The following OR10A2 variants were observed in gnomAD, a reference collection of about 807,000 sequenced individuals.
OR10A2 encodes olfactory receptor family 10 subfamily A member 2, also known as olfactory receptor 10A2.
In OR10A2, 15 loss-of-function variants were observed where a neutral mutation model predicts 13.7. That is an observed-to-expected ratio of 1.10 (90% CI 0.73 to 1.69). The LOEUF is 1.69. Ranked by LOEUF, OR10A2 falls within the 40% of genes most tolerant of loss-of-function variation. The pLI is 0.00. For synonymous variants in OR10A2, 145 were observed against 144.7 expected (o/e 1.00, Z -0.02); for missense variants, 343 against 361.1 (o/e 0.95, Z 0.41).
At chr11:6,863,610 A>G (rs1564919524) in intron 1 of OR10A2, among the ~76,000 whole-genome samples, 1 of 152,134 alleles carries the variant, frequency 6.6e-6, no homozygotes. Flanking sequence ...TCTGTCCTCT[A>G]AAGTTTTCTG....
intron 1 of OR10A2, among the ~76,000 whole-genome samples, chr11:6,865,946 A>C (rs1177103675): frequency 2.0e-5 from 3 of 152,236 alleles, no homozygotes; most frequent in African/African-American, 7.2e-5. Context: ...AGTCACTGGC[A>C]ATCACTAATC....
chr11:6,867,013 T>C (rs1848384124), intron 1 of OR10A2, among the ~76,000 whole-genome samples: 1 of 152,066 alleles, frequency 6.6e-6, no homozygotes, highest in African/African-American at 2.4e-5. Context: ...CCTCTTATAA[T>C]TGTTATGTTT....
At chr11:6,866,144 G>T (rs1247578746) in intron 1 of OR10A2, among the ~76,000 whole-genome samples, 1 of 152,112 alleles carries the variant, frequency 6.6e-6, no homozygotes, top group East Asian at 1.9e-4. Flanking sequence ...TTCATCATCT[G>T]GGTTTTTAAC....
intron 1 of OR10A2, among the ~76,000 whole-genome samples, chr11:6,866,300 A>C (rs1011952168): frequency 2.6e-5 from 4 of 152,218 alleles, no homozygotes; most frequent in Non-Finnish European, 5.9e-5. Flanking sequence ...GAACTGTCAA[A>C]CTGTTTTCTG....
At position 6,869,832 on chromosome 11, in the gene OR10A2, G is replaced by A. The variant is rs767214891; in HGVS notation, c.78G>A (p.Leu26=). Residue 26 remains leucine (L), a synonymous_variant, in exon 2 of 2, where the codon CTG becomes CTA. Coordinates refer to ENST00000641461, the MANE Select transcript of OR10A2 (RefSeq NM_001004460.2). ...LTFLTIYLVT[L]MGNCLIILVT... is the part of the protein sequence containing the mutation. Reference sequence around the variant, plus strand: ...TTCTAACCATCTACCTGGTCACCCTGATGGGAAACTGCCTCATCATTCTGG... The same window carrying A: ...TTCTAACCATCTACCTGGTCACCCTAATGGGAAACTGCCTCATCATTCTGG... 1.2e-6 allele frequency: 2 copies of A among 1,614,152 alleles called. No individual in the cohort carries two copies. Among genetic ancestry groups the A allele is most frequent in the South Asian group, 1.1e-5 (1 of 91,086 alleles).
chr11:6,870,635 A>G lies in OR10A2; in HGVS notation c.881A>G (p.Lys294Arg), dbSNP rs755958508. 9 of 1,603,032 alleles carry G rather than the reference A, an allele frequency of 5.6e-6. No homozygotes were observed. Among genetic ancestry groups the G allele is most frequent in the Admixed American group, 1.7e-5 (1 of 59,024 alleles). ...VKNALSRTVS[K>R]ALALRNCIP ...AATGCCCTCAGCAGGACGGTCTCTA[A>G]GGCCCTAGCCCTCAGAAACTGTATC... The change falls in exon 2 of 2, where the codon AAG (lysine) becomes AGG (arginine). Residue 294 changes from lysine to arginine, a missense_variant. Physicochemically the swap from Lys to Arg is conservative, Grantham distance 26 (BLOSUM62 2). Coordinates refer to ENST00000641461, the MANE Select transcript of OR10A2 (RefSeq NM_001004460.2).
chr11:6,864,291 A>C (rs1002155423), intron 1 of OR10A2, among the ~76,000 whole-genome samples: 2 of 142,578 alleles, frequency 1.4e-5, no homozygotes, highest in East Asian at 4.1e-4. Context: ...CTTCTAGTTA[A>C]AGTGCGGTTC....
rs868039875 is a variant in OR10A2, at chr11:6,873,427, G to A, written c.*2761G>A. ...TGATGCTGAGACAATTTGTACTGGG[G>A]TAGGGGGTAGTCCTTAGTATGGGTA... On this transcript the variant is annotated 3_prime_UTR_variant, in exon 2 of 2. Transcript: ENST00000641461. 2.6e-5 allele frequency: 4 copies of A among 152,220 alleles called. No homozygotes were observed. Among genetic ancestry groups the A allele is most frequent in the Non-Finnish European group, 4.4e-5 (3 of 68,040 alleles). The allele number at this position is 152,220 out of a possible 1,614,324, so 9.4% of individuals were successfully genotyped here. A position where few individuals can be genotyped will look rare whatever the true frequency, so the allele number is the denominator to read the frequency against.
intron 1 of OR10A2, among the ~76,000 whole-genome samples, chr11:6,866,429 T>A (rs1187279344): frequency 2.6e-5 from 4 of 152,222 alleles, no homozygotes; most frequent in Non-Finnish European, 4.4e-5. Context: ...TCTTTTTTTT[T>A]AATTTTAGCT....
chr11:6,867,173 C>T (rs1848385498), intron 1 of OR10A2, among the ~76,000 whole-genome samples: 1 of 151,898 alleles, frequency 6.6e-6, no homozygotes, highest in African/African-American at 2.4e-5. Context: ...TTTCTGGCCC[C>T]ACACTGTCAT....
Position 6,863,144 on chromosome 11 carries a change from A to C in OR10A2, c.-340A>C, listed in dbSNP as rs1848353068. ...CATGGCCAAACTTCATAGTGAGCTT[A>C]CTTGCCTCTGACACACAAGGCAGCA... is the stretch of plus-strand genomic sequence containing the variant. On this transcript the variant is annotated 5_prime_UTR_variant, in exon 1 of 2. Coordinates refer to ENST00000641461, the MANE Select transcript of OR10A2 (RefSeq NM_001004460.2). 6.6e-6 allele frequency: 1 copy of C among 152,264 alleles called. No homozygotes were observed. Among genetic ancestry groups the C allele is most frequent in the African/African-American group, 2.4e-5 (1 of 41,454 alleles). The allele number at this position is 152,264 out of a possible 1,614,324, so 9.4% of individuals were successfully genotyped here. A position where few individuals can be genotyped will look rare whatever the true frequency, so the allele number is the denominator to read the frequency against.
At chr11:6,867,061 A>T (rs752082730) in intron 1 of OR10A2, among the ~76,000 whole-genome samples, 2 of 151,802 alleles carry the variant, frequency 1.3e-5, no homozygotes, top group Non-Finnish European at 2.9e-5. Context: ...TAATTTTTCA[A>T]ATTTGTATTC....
At chr11:6,864,124 C>T (rs952515379) in intron 1 of OR10A2, among the ~76,000 whole-genome samples, 2 of 152,136 alleles carry the variant, frequency 1.3e-5, no homozygotes, top group African/African-American at 2.4e-5. Flanking sequence ...CATGAGCTGC[C>T]ACCTTCTGCA....
Position 6,869,674 on chromosome 11 carries a change from T to C in OR10A2, c.-81T>C, listed in dbSNP as rs531131964. The C allele has an allele frequency of 1.0e-5, 12 of 1,181,660 alleles. No individual in the cohort carries two copies. The highest frequency in any genetic ancestry group is 1.5e-5 in the African/African-American group (1 of 65,674). The allele number at this position is 1,181,660 out of a possible 1,614,324, so 73.2% of individuals were successfully genotyped here. Reference sequence around the variant, plus strand: ...AGAATCTGACTTCCAATCAATAATCTTTCTCCATGACCACAGTTGGGGACT... The same window carrying C: ...AGAATCTGACTTCCAATCAATAATCCTTCTCCATGACCACAGTTGGGGACT... On this transcript the variant is annotated 5_prime_UTR_variant, in exon 2 of 2. Coordinates refer to ENST00000641461, the MANE Select transcript of OR10A2 (RefSeq NM_001004460.2).
chr11:6,870,059 T>G lies in OR10A2; in HGVS notation c.305T>G (p.Leu102Arg). The change falls in exon 2 of 2, where the codon CTG (leucine) becomes CGG (arginine). Residue 102 changes from leucine to arginine, a missense_variant. Coordinates refer to ENST00000641461, the MANE Select transcript of OR10A2 (RefSeq NM_001004460.2). ...FFFGVAECFL[L>R]ATMAYDRYVA... ...TTTGGAGTGGCTGAATGCTTCCTCC[T>G]GGCTACCATGGCATATGACCGCTAT... 1.2e-6 allele frequency: 2 copies of G among 1,614,228 alleles called. No homozygotes were observed. The highest frequency in any genetic ancestry group is 1.7e-6 in the Non-Finnish European group (2 of 1,180,028).
chr11:6,866,461 A>G (rs1286851470), intron 1 of OR10A2, among the ~76,000 whole-genome samples: 1 of 152,080 alleles, frequency 6.6e-6, no homozygotes, highest in East Asian at 1.9e-4. Context: ...TCTTCTTCCC[A>G]TGTGGCCCAG....
Position 6,872,509 on chromosome 11 carries a change from G to C in OR10A2, c.*1843G>C, listed in dbSNP as rs141226826. On this transcript the variant is annotated 3_prime_UTR_variant, in exon 2 of 2. Coordinates refer to ENST00000641461, the MANE Select transcript of OR10A2 (RefSeq NM_001004460.2). ...TGTTTTGTTTTGTGTTTGAGACAGG[G>C]TCTCTCTCTCTGTCACCCAGGCTGG... 1 of 152,104 alleles carries C rather than the reference G, an allele frequency of 6.6e-6. No individual in the cohort carries two copies. The highest frequency in any genetic ancestry group is 2.1e-4 in the South Asian group (1 of 4,828). 9.4% of individuals were successfully genotyped at this position (152,104 alleles called of 1,614,324 possible). A position where few individuals can be genotyped will look rare whatever the true frequency, so the allele number is the denominator to read the frequency against.
intron 1 of OR10A2, among the ~76,000 whole-genome samples, chr11:6,867,487 C>T (rs899204094): frequency 2.6e-5 from 4 of 152,190 alleles, no homozygotes; most frequent in African/African-American, 4.8e-5. Flanking sequence ...GCTGGGATTA[C>T]AGGCATGAGC....
intron 1 of OR10A2, among the ~76,000 whole-genome samples, chr11:6,865,101 A>T (rs1228961998): frequency 7.0e-6 from 1 of 143,754 alleles, no homozygotes; most frequent in Non-Finnish European, 1.5e-5. Context: ...ATGAATAAAA[A>T]TATATATTTA....
Sources: allele counts gnomAD v4.1 joint callset (sites outside exome capture counted in the v4.1 genomes callset), GRCh38; gene constraint gnomAD v4.1.1; transcripts MANE v1.5; gene names NCBI Gene and HGNC (gene_info 2026-07-23, HGNC 2026-07-21).